PHF20: variants seen among roughly 807,000 people sequenced by gnomAD.
PHF20 encodes the protein PHD finger protein 20, also known as glioma-expressed antigen 2.
Under a neutral mutation model 113.5 loss-of-function variants are expected in PHF20, and 23 were observed. The ratio of observed to expected loss-of-function variants is 0.20; its 90% CI spans 0.15 to 0.29. The LOEUF (loss-of-function observed/expected upper bound fraction) is 0.29, where lower values mean the gene tolerates loss of function less well. Ranked by LOEUF, PHF20 falls within the 10% of genes least tolerant of loss-of-function variation. PHF20 has a pLI of 1.00. For missense variants in PHF20, 943 were observed against 1,219.6 expected, an observed-to-expected ratio of 0.77 and a Z score of 3.38; for synonymous variants, 434 against 457.3, an observed-to-expected ratio of 0.95 and a Z score of 0.65.
At position 35,842,662 on chromosome 20, in the gene PHF20, T is replaced by C; in HGVS notation, c.173T>C (p.Phe58Ser). Reference protein sequence around the residue: ...KRWNHRYDEWFCWDSPYLRPL... With the variant: ...KRWNHRYDEWSCWDSPYLRPL... ...TGGAACCATCGTTATGATGAGTGGT[T>C]CTGCTGGGACAGTCCTTATTTACGC... is the stretch of plus-strand genomic sequence containing the variant. Residue 58 changes from phenylalanine (F) to serine (S), a missense_variant, in exon 3 of 18, where the codon TTC becomes TCC. Around this residue, in one of 3 missense-constraint regions of PHF20, gnomAD observed 592 missense variants for 787.2 expected, o/e 0.75. Coordinates refer to ENST00000374012, the MANE Select transcript of PHF20 (RefSeq NM_016436.5). The C allele has an allele frequency of 6.2e-7, 1 of 1,614,142 alleles. No homozygotes were observed. Among genetic ancestry groups the C allele is most frequent in the Non-Finnish European group, 8.5e-7 (1 of 1,179,958 alleles).
At chr20:35,833,841 C>T (rs1315279696) in intron 2 of PHF20, among the ~76,000 whole-genome samples, 2 of 152,042 alleles carry the variant, frequency 1.3e-5, no homozygotes, top group African/African-American at 2.4e-5. Flanking sequence ...GGGCAGATCA[C>T]GAAGTCAGGA....
chr20:35,895,681 CTTTTTTTTT>C (rs762279629), intron 9 of PHF20, among the ~76,000 whole-genome samples: 4 of 116,802 alleles, frequency 3.4e-5, no homozygotes, highest in African/African-American at 1.1e-4. Flanking sequence ...TTTGCTTCTC[CTTTTTTTTT>C]TTTTTTTTTT....
chr20:35,814,736 A>G (rs973998123), intron 2 of PHF20, among the ~76,000 whole-genome samples: 1 of 147,354 alleles, frequency 6.8e-6, no homozygotes. Flanking sequence ...AGCCAGGCGT[A>G]GTGGCGGGTG....
chr20:35,839,967 C>T (rs1331725364), intron 2 of PHF20, among the ~76,000 whole-genome samples: 3 of 152,164 alleles, frequency 2.0e-5, no homozygotes, highest in Non-Finnish European at 4.4e-5. Context: ...GTGCAAAGTA[C>T]TGCAATAAGT....
At chr20:35,929,827 A>C (rs1401211970) in intron 14 of PHF20, among the ~76,000 whole-genome samples, 1 of 152,250 alleles carries the variant, frequency 6.6e-6, no homozygotes, top group Non-Finnish European at 1.5e-5. Context: ...AGAGGGCTGG[A>C]CCAAAAGTTT....
chr20:35,844,376 AC>A (rs1209003573), intron 3 of PHF20, among the ~76,000 whole-genome samples: 2 of 148,590 alleles, frequency 1.3e-5, no homozygotes, highest in African/African-American at 5.0e-5. Context: ...TCCTGGCATT[AC>A]AGGTGTGAGC....
At chr20:35,804,237 T>G (rs2041839855) in intron 2 of PHF20, among the ~76,000 whole-genome samples, 1 of 140,040 alleles carries the variant, frequency 7.1e-6, no homozygotes, top group Non-Finnish European at 1.6e-5. Flanking sequence ...ATGTTTTTTT[T>G]TTTTTTTTTT....
intron 1 of PHF20, among the ~76,000 whole-genome samples, chr20:35,791,497 CTA>C (rs1298318299): frequency 9.3e-6 from 1 of 107,022 alleles, no homozygotes; most frequent in Admixed American, 9.7e-5. Flanking sequence ...ATCTATCTAT[CTA>C]TCTTAGAATA....
At chr20:35,845,521 G>A (rs758503828) in intron 3 of PHF20, 12 of 176,544 alleles carry the variant, frequency 6.8e-5, no homozygotes, top group Non-Finnish European at 1.0e-4. Flanking sequence ...ATGTACCACT[G>A]TGCCTGACTA....
Position 35,814,208 on chromosome 20 carries a change from G to C in PHF20, c.83+12603G>C, listed in dbSNP as rs1381341540. On this transcript the variant is annotated intron_variant, in intron 2 of 17. Transcript: ENST00000374012. The stretch of plus-strand genomic sequence containing the variant: ...TTTTGAAAAAATGTGAGTTCACTTT[G>C]ATACTTCCAATTTATTTATTTATTT... 2.0e-5 allele frequency among the ~76,000 whole-genome samples: 3 copies of C among 151,780 alleles called. No homozygotes were observed. The East Asian group carries it at 5.8e-4, about 29-fold the overall frequency.
chr20:35,855,318 C>T, intron 4 of PHF20: 2 of 1,168,250 alleles, frequency 1.7e-6, no homozygotes, highest in Non-Finnish European at 2.3e-6. Context: ...CATTGCTGAG[C>T]TGCCTGTGTA....
chr20:35,817,521 A>G (rs921771059), intron 2 of PHF20, among the ~76,000 whole-genome samples: 2 of 150,696 alleles, frequency 1.3e-5, no homozygotes, highest in African/African-American at 2.4e-5. Context: ...GGGGCCAGGC[A>G]TGGTGTCCCA....
intron 2 of PHF20, among the ~76,000 whole-genome samples, chr20:35,804,061 T>G (rs2041836026): frequency 6.6e-6 from 1 of 151,822 alleles, no homozygotes; most frequent in Non-Finnish European, 1.5e-5. Context: ...AGTCCCCTAC[T>G]AATGGACGTT....
rs1337619186 is a variant in PHF20, at chr20:35,948,925, A to G, written c.*1298A>G. 2 of 152,670 alleles carry G rather than the reference A, an allele frequency of 1.3e-5. No individual in the cohort carries two copies. The highest frequency in any genetic ancestry group is 4.1e-4 in the South Asian group (2 of 4,834). The allele number at this position is 152,670 out of a possible 1,614,324, so 9.5% of individuals were successfully genotyped here. A position where few individuals can be genotyped will look rare whatever the true frequency, so the allele number is the denominator to read the frequency against. On this transcript the variant is annotated 3_prime_UTR_variant, in exon 18 of 18. Coordinates refer to ENST00000374012, the MANE Select transcript of PHF20 (RefSeq NM_016436.5). Reference sequence around the variant, plus strand: ...TGAGTCTGTAATGTTATATGCTGCAAACATTTACTATGTAAACGTGAAGTA... The same window carrying G: ...TGAGTCTGTAATGTTATATGCTGCAGACATTTACTATGTAAACGTGAAGTA...
intron 9 of PHF20, among the ~76,000 whole-genome samples, chr20:35,893,214 C>A (rs1568720408): frequency 6.6e-6 from 1 of 152,150 alleles, no homozygotes; most frequent in Non-Finnish European, 1.5e-5. Flanking sequence ...AACCTGTAAA[C>A]TAAACTCGCT....
intron 10 of PHF20, among the ~76,000 whole-genome samples, chr20:35,908,392 C>G (rs1162504156): frequency 6.6e-6 from 1 of 152,214 alleles, no homozygotes; most frequent in Non-Finnish European, 1.5e-5. Context: ...CAGGTATGCC[C>G]TAGCATTGGG....
chr20:35,793,995 C>CAAAAATAAAAAAAAA (rs2041614548), intron 1 of PHF20, among the ~76,000 whole-genome samples: 1 of 33,836 alleles, frequency 3.0e-5, no homozygotes, highest in Non-Finnish European at 5.5e-5. Context: ...GACTCTGTCT[C>CAAAAATAAAAAAAAA]AAAAAAAAAA....
At chr20:35,879,169 G>T (rs1281106231) in intron 9 of PHF20, among the ~76,000 whole-genome samples, 2 of 152,078 alleles carry the variant, frequency 1.3e-5, no homozygotes, top group Non-Finnish European at 2.9e-5. Context: ...GGACTGGCTG[G>T]CTCTTTTAGA....
At chr20:35,940,767 T>G in intron 16 of PHF20, 97 bp from the exon 17 acceptor site, 1 of 997,940 alleles carries the variant, frequency 1.0e-6, no homozygotes, top group Non-Finnish European at 1.5e-6. Context: ...GTATTGAAAC[T>G]GCAGCTAGTA....
Sources: allele counts gnomAD v4.1 joint callset (sites outside exome capture counted in the v4.1 genomes callset), GRCh38; gene constraint gnomAD v4.1.1; regional missense constraint gnomAD v4.1.1; transcripts MANE v1.5; gene names NCBI Gene and HGNC (gene_info 2026-07-23, HGNC 2026-07-21).